Variants in TOLLIP observed in about 807,000 individuals in gnomAD.
TOLLIP encodes toll interacting protein.
A neutral mutation model predicts 33.5 loss-of-function variants in TOLLIP; 16 were observed. The ratio of observed to expected loss-of-function variants is 0.48; its 90% CI spans 0.32 to 0.72. TOLLIP has a LOEUF of 0.72. Ranked by LOEUF, TOLLIP falls within the 30% of genes least tolerant of loss-of-function variation. The pLI, the probability that TOLLIP is intolerant of heterozygous loss-of-function variation, is 0.03. For synonymous variants in TOLLIP, 176 were observed against 163.7 expected (o/e 1.07, Z -0.57); for missense variants, 325 against 396.6 (o/e 0.82, Z 1.53).
rs775681599 is a variant in TOLLIP, at chr11:1,281,590, C to T, written c.611-4337G>A. 4.6e-5 allele frequency among the ~76,000 whole-genome samples: 7 copies of T among 152,330 alleles called. No homozygotes were observed. In the East Asian group the frequency reaches 7.7e-4, roughly 17 times the overall value. On this transcript the variant is annotated intron_variant, in intron 5 of 5. Transcript: ENST00000317204. ...AGCAGGCGACAGCTGAATGAACGAG[C>T]GGCTGAAGGGGCTGGCGAGAAGCAG...
intron 1 of TOLLIP, among the ~76,000 whole-genome samples, chr11:1,305,107 G>A (rs1032807642): frequency 3.3e-5 from 5 of 152,228 alleles, no homozygotes; most frequent in African/African-American, 9.7e-5. Flanking sequence ...TCAAAGGCAA[G>A]AGGCCTTTAT....
In TOLLIP at chr11:1,276,784, C is replaced by A. The variant is rs137973784; in HGVS notation, c.*255G>T. 3.3e-5 allele frequency: 50 copies of A among 1,515,674 alleles called. No homozygotes were observed. The highest frequency in any genetic ancestry group is 4.2e-5 in the Non-Finnish European group (48 of 1,134,192). The allele number at this position is 1,515,674 out of a possible 1,614,324, so 93.9% of individuals were successfully genotyped here. On this transcript the variant is annotated 3_prime_UTR_variant, in exon 6 of 6. Transcript: ENST00000317204. ...GAACGGCATGAGAAGGAGAGACGCA[C>A]GTCCCAGGGACAGGAGAGCGCGCTG...
At position 1,295,775 on chromosome 11, in the gene TOLLIP, G is replaced by A. The variant is rs1280116012; in HGVS notation, c.53C>T (p.Pro18Leu). ...GGGCGTGATGCGGAGGAAGTCCTGC[G>A]GGAGCTCACCGATGTACACCTGCGG... ...QRGPVYIGEL[P>L]QDFLRITPTQ... Residue 18 changes from proline (P) to leucine (L), a missense_variant, in exon 2 of 6, where the codon CCG becomes CTG. Coordinates refer to ENST00000317204, the MANE Select transcript of TOLLIP (RefSeq NM_019009.4). The A allele has an allele frequency of 5.7e-6, 9 of 1,584,914 alleles. No homozygotes were observed. Among genetic ancestry groups the A allele is most frequent in the East Asian group, 2.3e-5 (1 of 43,212 alleles).
At position 1,290,530 on chromosome 11, in the gene TOLLIP, C is replaced by G. The variant is rs1863900853; in HGVS notation, c.184-121G>C. ...CTTTTCCTAACACATAGACTACAGC[C>G]ACTCAGAGTCGCCTGAACACGGCTG... is the stretch of plus-strand genomic sequence containing the variant. On this transcript the variant is annotated intron_variant, in intron 2 of 5. Coordinates refer to ENST00000317204, the MANE Select transcript of TOLLIP (RefSeq NM_019009.4). The surrounding 1 kb of genome is among the most constrained non-coding windows in gnomAD (Gnocchi z 4.9). The G allele has an allele frequency of 1.1e-6, 1 of 872,560 alleles. No homozygotes were observed. The highest frequency in any genetic ancestry group is 1.7e-5 in the African/African-American group (1 of 59,448). 54.1% of individuals were successfully genotyped at this position (872,560 alleles called of 1,614,324 possible).
chr11:1,282,497 A>G (rs1863534148), intron 5 of TOLLIP, among the ~76,000 whole-genome samples: 1 of 151,208 alleles, frequency 6.6e-6, no homozygotes, highest in Non-Finnish European at 1.5e-5. Context: ...ATAAAATAGG[A>G]AATTGTTTAG....
chr11:1,286,228 T>G, intron 4 of TOLLIP, 136 bp from the exon 5 acceptor site: 5 of 658,088 alleles, frequency 7.6e-6, no homozygotes, highest in Non-Finnish European at 1.3e-5. Flanking sequence ...AGAATCACCC[T>G]CGCTACACGA....
chr11:1,306,927 G>C (rs566071757), intron 1 of TOLLIP, among the ~76,000 whole-genome samples: 1 of 143,266 alleles, frequency 7.0e-6, no homozygotes, highest in Non-Finnish European at 1.5e-5. Flanking sequence ...GAGATGTCAC[G>C]TCCTCACCCC....
intron 4 of TOLLIP, among the ~76,000 whole-genome samples, chr11:1,286,356 G>C (rs1590212073): frequency 6.6e-6 from 1 of 152,078 alleles, no homozygotes; most frequent in African/African-American, 2.4e-5. Flanking sequence ...GTGACTGAGA[G>C]AGGATGGTGA....
intron 2 of TOLLIP, 178 bp downstream of exon 2, chr11:1,295,467 G>T: frequency 1.3e-6 from 1 of 764,160 alleles, no homozygotes; most frequent in South Asian, 2.4e-5. Flanking sequence ...AGAACCCGGG[G>T]TCAATGCCAA....
intron 1 of TOLLIP, among the ~76,000 whole-genome samples, chr11:1,299,802 T>C (rs1051105063): frequency 6.6e-6 from 1 of 152,242 alleles, no homozygotes; most frequent in African/African-American, 2.4e-5. Context: ...TGCCTGAGGC[T>C]GCGTCACCTG....
chr11:1,288,069 C>A (rs1487765114), intron 4 of TOLLIP, among the ~76,000 whole-genome samples: 2 of 152,104 alleles, frequency 1.3e-5, no homozygotes, highest in Non-Finnish European at 2.9e-5. Flanking sequence ...GCTGCAGGTG[C>A]CCTGAGAATG....
chr11:1,301,158 AAAC>A (rs1198725028), intron 1 of TOLLIP, among the ~76,000 whole-genome samples: 17 of 152,402 alleles, frequency 1.1e-4, no homozygotes, highest in Admixed American at 5.2e-4. Flanking sequence ...ACGTAGAAAT[AAAC>A]AACTTATATA....
Position 1,290,124 on chromosome 11 carries a change from C to T in TOLLIP, c.366+103G>A. On this transcript the variant is annotated intron_variant, in intron 3 of 5. Coordinates refer to ENST00000317204, the MANE Select transcript of TOLLIP (RefSeq NM_019009.4). This position sits in a 1 kb window ranked among gnomAD's most constrained non-coding sequence, Gnocchi z 4.9. Reference sequence around the variant, plus strand: ...ATGAAACACCAGGTGGGGAGCCACGCCTCGAAGCCAGCCAGGAACGTGGCT... The same window carrying T: ...ATGAAACACCAGGTGGGGAGCCACGTCTCGAAGCCAGCCAGGAACGTGGCT... The T allele has an allele frequency of 7.9e-7, 1 of 1,261,274 alleles. No homozygotes were observed. The highest frequency in any genetic ancestry group is 2.1e-5 in the Admixed American group (1 of 48,612). 78.1% of individuals were successfully genotyped at this position (1,261,274 alleles called of 1,614,324 possible).
At chr11:1,289,355 C>G (rs545175836) in intron 3 of TOLLIP, among the ~76,000 whole-genome samples, 1 of 152,222 alleles carries the variant, frequency 6.6e-6, no homozygotes, top group African/African-American at 2.4e-5. Flanking sequence ...TGCTCCCCGG[C>G]CCCCACCCAG....
rs1249199810 is a variant in TOLLIP at position 1,309,601 on chromosome 11, G to GGCC, written c.-106_-104dup. 4 of 463,330 alleles carry GGCC rather than the reference G, an allele frequency of 8.6e-6. No individual in the cohort carries two copies. Among genetic ancestry groups the GGCC allele is most frequent in the Non-Finnish European group, 1.3e-5 (4 of 296,910 alleles). The allele number at this position is 463,330 out of a possible 1,614,324, so 28.7% of individuals were successfully genotyped here. A position where few individuals can be genotyped will look rare whatever the true frequency, so the allele number is the denominator to read the frequency against. On this transcript the variant is annotated 5_prime_UTR_variant, in exon 1 of 6. Transcript: ENST00000317204. ...GCGACGGAGACAGTTGTCACCTCGAGGCCGCCGCCGCCACAGTCAGCTGAC... is the reference window on the plus strand; with the variant it reads ...GCGACGGAGACAGTTGTCACCTCGAGGCCGCCGCCGCCGCCACAGTCAGCTGAC...
chr11:1,287,166 A>G (rs990009544), intron 4 of TOLLIP, among the ~76,000 whole-genome samples: 4 of 152,336 alleles, frequency 2.6e-5, no homozygotes, highest in East Asian at 1.9e-4. Flanking sequence ...TCAACTGCGG[A>G]TAAGTCACTG....
intron 5 of TOLLIP, among the ~76,000 whole-genome samples, chr11:1,284,458 C>CCTGCCT (rs1412459251): frequency 2.0e-5 from 3 of 152,256 alleles, no homozygotes; most frequent in East Asian, 1.9e-4. Context: ...ACACCATTCT[C>CCTGCCT]CTGCCTCAGC....
Position 1,274,414 on chromosome 11 carries a change from A to T in TOLLIP, c.*2625T>A, listed in dbSNP as rs187565737. On this transcript the variant is annotated 3_prime_UTR_variant, in exon 6 of 6. Coordinates refer to ENST00000317204, the MANE Select transcript of TOLLIP (RefSeq NM_019009.4). ...ACTTTATTTCTCTATTTTTATATGG[A>T]TCATTTATTAAATTAGAAGACTAAA... The T allele has an allele frequency of 6.6e-6, 1 of 152,240 alleles. No homozygotes were observed. The highest frequency in any genetic ancestry group is 2.1e-4 in the South Asian group (1 of 4,834). The allele number at this position is 152,240 out of a possible 1,614,324, so 9.4% of individuals were successfully genotyped here.
At chr11:1,280,675 G>A (rs747843055) in intron 5 of TOLLIP, among the ~76,000 whole-genome samples, 4 of 151,982 alleles carry the variant, frequency 2.6e-5, no homozygotes, top group Non-Finnish European at 1.5e-5. Flanking sequence ...GGGAGGCGCC[G>A]GACGCCCCAC....
Sources: gnomAD v4.1 joint callset for allele counts (sites outside exome capture counted in the v4.1 genomes callset) on GRCh38, gnomAD v4.1.1 for gene constraint, Gnocchi (gnomAD v3.1) non-coding constraint, MANE v1.5 for transcripts, NCBI Gene and HGNC (gene_info 2026-07-23, HGNC 2026-07-21) for gene names.